KANTR: variants seen among roughly 807,000 people sequenced by gnomAD.
The protein encoded by KANTR is KDM5C adjacent transcript.
At chrX:53,095,183 T>TA (rs1932837466) in intron 1 of KANTR, among the ~76,000 whole-genome samples, 2 of 112,156 alleles carry the variant, frequency 1.8e-5, no homozygotes, top group Admixed American at 1.9e-4. Flanking sequence ...GGGAGCAACT[T>TA]AGATTAAAAA....
chrX:53,102,760 C>G (rs1259475652), intron 2 of KANTR, among the ~76,000 whole-genome samples: 1 of 111,175 alleles, frequency 9.0e-6, no homozygotes, highest in African/African-American at 3.3e-5. Context: ...AGACATACAC[C>G]CATATCTGCC....
chrX:53,116,603 G>C (rs1267567795), intron 2 of KANTR, among the ~76,000 whole-genome samples: 2 of 111,561 alleles, frequency 1.8e-5, no homozygotes, highest in East Asian at 5.6e-4. Context: ...TAGGGAGGGA[G>C]GATGGGGATC....
At chrX:53,099,208 T>C (rs1454949411) in intron 1 of KANTR, among the ~76,000 whole-genome samples, 1 of 110,782 alleles carries the variant, frequency 9.0e-6, no homozygotes, top group Admixed American at 9.6e-5. Context: ...TTGTCTCTAC[T>C]AAATATACAG....
chrX:53,121,200 T>C (rs1196716850), intron 2 of KANTR, among the ~76,000 whole-genome samples: 1 of 111,163 alleles, frequency 9.0e-6, no homozygotes, highest in Non-Finnish European at 1.9e-5. Context: ...GGTTTCACCA[T>C]GTTGGCCAGG....
At chrX:53,144,956 G>A (rs1336959146), downstream of KANTR, among the ~76,000 whole-genome samples, 2 of 111,421 alleles carry the variant, frequency 1.8e-5, no homozygotes, top group African/African-American at 3.3e-5. Context: ...AATCCATATT[G>A]TACAGTAAGG....
At chrX:53,103,695 C>T (rs1932914587) in intron 2 of KANTR, among the ~76,000 whole-genome samples, 2 of 111,619 alleles carry the variant, frequency 1.8e-5, no homozygotes, top group African/African-American at 3.3e-5. Context: ...ACATTTCCTC[C>T]CCTGTCCTTA....
chrX:53,108,707 C>CTTT lies in KANTR; in HGVS notation c.-805+9108_-805+9110dup, dbSNP rs144256115. ...ACTTTTTTCTTTCCTGTCTGAATGC[C>CTTT]TTTTTTTTTTTGAGGCAGGGTCTCG... On this transcript the variant is annotated intron_variant, in intron 2 of 2. Transcript: ENST00000604062. 7.0e-3 allele frequency among the ~76,000 whole-genome samples: 716 copies of CTTT among 102,725 alleles called. 3 individuals carry two copies. Among genetic ancestry groups the CTTT allele is most frequent in the South Asian group, 8.1e-3 (19 of 2,341 alleles). The allele number at this position is 102,725 out of a possible 115,157, so 89.2% of individuals were successfully genotyped here.
At chrX:53,146,677 A>G (rs1324606959), downstream of KANTR, among the ~76,000 whole-genome samples, 1 of 111,577 alleles carries the variant, frequency 9.0e-6, no homozygotes, top group Non-Finnish European at 1.9e-5. Context: ...TGTCAGATTC[A>G]CCAAAGTTGA....
At chrX:53,129,280 G>A (rs1254296473), downstream of KANTR, among the ~76,000 whole-genome samples, 9 of 50,179 alleles carry the variant, frequency 1.8e-4, no homozygotes, top group African/African-American at 3.4e-4. Flanking sequence ...TAGTAGAGAC[G>A]GGGTTTCACT....
chrX:53,136,715 TATATATATATATATATTTTG>T (rs1933428608), intron 2 of KANTR, among the ~76,000 whole-genome samples: 1 of 40,555 alleles, frequency 2.5e-5, no homozygotes, highest in Admixed American at 3.9e-4. Flanking sequence ...TATATATATA[TATATATATATATATATTTTG>T]TTTGTTTGTT....
intron 1 of KANTR, chrX:53,094,680 A>G (rs1409037808): frequency 7.2e-5 from 8 of 111,737 alleles, no homozygotes; most frequent in Non-Finnish European, 1.3e-4. Context: ...AATCCTGACC[A>G]GTTTAAACTA....
intron 2 of KANTR, among the ~76,000 whole-genome samples, chrX:53,134,672 A>G (rs782453887): frequency 8.9e-6 from 1 of 112,143 alleles, no homozygotes; most frequent in Non-Finnish European, 1.9e-5. Flanking sequence ...GAGAATGACA[A>G]TAATCACATT....
intron 2 of KANTR, among the ~76,000 whole-genome samples, chrX:53,117,208 A>G (rs868918000): frequency 9.1e-6 from 1 of 109,514 alleles, no homozygotes; most frequent in Non-Finnish European, 1.9e-5. Context: ...CTTGAACCCA[A>G]GAGGAGGTTG....
At chrX:53,128,671 G>GT (rs1933319941), downstream of KANTR, among the ~76,000 whole-genome samples, 1 of 111,123 alleles carries the variant, frequency 9.0e-6, no homozygotes, top group African/African-American at 3.3e-5. Flanking sequence ...TCCAATTCAT[G>GT]TAAGTTTTCA....
At chrX:53,123,081 T>C (rs954983894) in intron 2 of KANTR, among the ~76,000 whole-genome samples, 3 of 111,903 alleles carry the variant, frequency 2.7e-5, no homozygotes, top group African/African-American at 9.7e-5. Flanking sequence ...TAAATTAAAA[T>C]ATTTTCAAAA....
intron 2 of KANTR, among the ~76,000 whole-genome samples, chrX:53,137,620 T>G (rs1490614482): frequency 9.1e-6 from 1 of 109,475 alleles, no homozygotes; most frequent in Non-Finnish European, 1.9e-5. Context: ...AAATACAAAA[T>G]TAGCCAGACA....
intron 2 of KANTR, among the ~76,000 whole-genome samples, chrX:53,119,693 GTATT>G (rs1933188056): frequency 9.0e-6 from 1 of 111,517 alleles, no homozygotes; most frequent in African/African-American, 3.3e-5. Flanking sequence ...GAAGTATCAT[GTATT>G]TTTAGCCCTT....
At chrX:53,131,143 C>T (rs1190934084), downstream of KANTR, among the ~76,000 whole-genome samples, 1 of 110,088 alleles carries the variant, frequency 9.1e-6, no homozygotes, top group Non-Finnish European at 1.9e-5. Flanking sequence ...ATTGACCACA[C>T]AAAAAAAATG....
At chrX:53,134,626 A>C (rs1933399783) in intron 2 of KANTR, among the ~76,000 whole-genome samples, 2 of 112,012 alleles carry the variant, frequency 1.8e-5, no homozygotes, top group South Asian at 7.4e-4. Context: ...TTCAAACCCG[A>C]TAACATTTGC....
Sources: gnomAD v4.1 joint callset for allele counts (sites outside exome capture counted in the v4.1 genomes callset) on GRCh38, gnomAD v4.1.1 for gene constraint, MANE v1.5 for transcripts, NCBI Gene and HGNC (gene_info 2026-07-23, HGNC 2026-07-21) for gene names.